ANK2: variants seen among roughly 807,000 people sequenced by gnomAD.
ANK2 encodes the protein ankyrin 2, also known as ankyrin-2.
In ANK2, 83 loss-of-function variants were observed where a neutral mutation model predicts 360.5. That is an observed-to-expected ratio of 0.23 (90% CI 0.19 to 0.28). The LOEUF (loss-of-function observed/expected upper bound fraction) is 0.28, where lower values mean the gene tolerates loss of function less well. ANK2 is among the 10% of genes least tolerant of loss of function. The pLI, the probability that ANK2 is intolerant of heterozygous loss-of-function variation, is 1.00. For missense variants in ANK2, 4,201 were observed against 4,795.7 expected (o/e 0.88, Z 3.66); for synonymous variants, 1,740 against 1,759.5 (o/e 0.99, Z 0.28).
rs147986280 is a variant in ANK2, at chr4:113,320,509, G to A, written c.2900+1889G>A. On this transcript the variant is annotated intron_variant, in intron 26 of 45. Coordinates refer to ENST00000357077, the MANE Select transcript of ANK2 (RefSeq NM_001148.6). ...TCTACTAAAAATACAAAAATTAGCC[G>A]GGCGTGGTGGTGGTGCACACCTGTA... Among the ~76,000 whole-genome samples the A allele has an allele frequency of 8.7e-4, 133 of 152,132 alleles. No individual in the cohort carries two copies. In the East Asian group the frequency reaches 0.012, roughly 14 times the overall value.
intron 22 of ANK2, among the ~76,000 whole-genome samples, chr4:113,299,682 G>A (rs2073917556): frequency 6.8e-6 from 1 of 147,676 alleles, no homozygotes; most frequent in Admixed American, 6.8e-5. Flanking sequence ...TCCAGCCTGG[G>A]CAACAAGAGT....
intron 2 of ANK2, among the ~76,000 whole-genome samples, chr4:112,956,644 G>A (rs112941410): frequency 0.012 from 1,892 of 152,280 alleles, 37 homozygotes; most frequent in African/African-American, 0.041. Context: ...AAAATGGCAC[G>A]CAGTTTAAAA....
At chr4:113,220,113 A>G (rs943576099) in intron 4 of ANK2, among the ~76,000 whole-genome samples, 1 of 152,178 alleles carries the variant, frequency 6.6e-6, no homozygotes. Flanking sequence ...TGGTCCTAGG[A>G]TCGGAACCAC....
chr4:112,818,057 C>G (rs1197113139), upstream of ANK2: 1 of 152,202 alleles, frequency 6.6e-6, no homozygotes, highest in Admixed American at 6.5e-5. Context: ...CAGAGCAGAT[C>G]ATGTGGTGCT....
chr4:113,094,519 T>TGC (rs771636164), intron 1 of ANK2, among the ~76,000 whole-genome samples: 5 of 147,120 alleles, frequency 3.4e-5, no homozygotes, highest in Non-Finnish European at 3.0e-5. Flanking sequence ...GTGCAGCACG[T>TGC]GTGTGTGTGT....
chr4:113,097,875 TGCACACACACACACACGC>T (rs1562040841), intron 1 of ANK2, among the ~76,000 whole-genome samples: 10 of 109,198 alleles, frequency 9.2e-5, no homozygotes, highest in Non-Finnish European at 1.7e-4. Context: ...TGTATATATA[TGCACACACACACACACGC>T]ACACACACAT....
At chr4:113,205,394 T>C (rs1387551062) in intron 4 of ANK2, among the ~76,000 whole-genome samples, 1 of 152,208 alleles carries the variant, frequency 6.6e-6, no homozygotes, top group Non-Finnish European at 1.5e-5. Context: ...ATTTGTTTTC[T>C]TTTCATCTTA....
intron 1 of ANK2, among the ~76,000 whole-genome samples, chr4:112,844,205 C>A (rs1273917646): frequency 6.6e-6 from 1 of 152,170 alleles, no homozygotes; most frequent in Non-Finnish European, 1.5e-5. Flanking sequence ...TTACATGATT[C>A]ACCTGACAGC....
At chr4:112,970,787 A>T (rs2039250698) in intron 2 of ANK2, among the ~76,000 whole-genome samples, 1 of 152,194 alleles carries the variant, frequency 6.6e-6, no homozygotes, top group Admixed American at 6.5e-5. Flanking sequence ...GTAGAATATG[A>T]TGCTTATAGC....
the ANK2 span, among the ~76,000 whole-genome samples, chr4:112,800,005 A>T: frequency 6.6e-6 from 1 of 152,184 alleles, no homozygotes; most frequent in African/African-American, 2.4e-5. Context: ...TGTAAAATTA[A>T]CTACCTATAG....
intron 4 of ANK2, among the ~76,000 whole-genome samples, chr4:113,201,433 G>C (rs2098828817): frequency 6.6e-6 from 1 of 152,140 alleles, no homozygotes; most frequent in Non-Finnish European, 1.5e-5. Flanking sequence ...TATGGCTTTA[G>C]CAAATGTGAG....
chr4:112,936,613 G>A (rs1217065272), intron 2 of ANK2, among the ~76,000 whole-genome samples: 5 of 152,026 alleles, frequency 3.3e-5, no homozygotes, highest in Admixed American at 2.6e-4. Context: ...CAAAGTGCTG[G>A]GATTACAGGC....
the ANK2 span, among the ~76,000 whole-genome samples, chr4:112,741,371 C>T: frequency 3.9e-5 from 6 of 152,102 alleles, no homozygotes; most frequent in African/African-American, 1.4e-4. Flanking sequence ...TTCAGTTGGC[C>T]CTCTTCAGAG....
intron 1 of ANK2, among the ~76,000 whole-genome samples, chr4:112,823,273 G>C (rs941830805): frequency 1.3e-5 from 2 of 152,172 alleles, no homozygotes; most frequent in Admixed American, 1.3e-4. Context: ...AAACTGTAGT[G>C]ATATATTGGG....
intron 1 of ANK2, among the ~76,000 whole-genome samples, chr4:113,158,403 A>G (rs907691808): frequency 6.6e-6 from 1 of 152,230 alleles, no homozygotes; most frequent in African/African-American, 2.4e-5. Context: ...CTTTGTCATG[A>G]CTACATTATT....
intron 4 of ANK2, among the ~76,000 whole-genome samples, chr4:113,211,042 T>G (rs563239889): frequency 6.6e-6 from 1 of 152,336 alleles, no homozygotes; most frequent in South Asian, 2.1e-4. Flanking sequence ...TAAGTATTGC[T>G]CAACAAAATC....
chr4:113,120,916 T>C (rs890667392), intron 1 of ANK2, among the ~76,000 whole-genome samples: 1 of 152,182 alleles, frequency 6.6e-6, no homozygotes, highest in Non-Finnish European at 1.5e-5. Context: ...TTCAAATAAA[T>C]CAATATGTTC....
intron 1 of ANK2, among the ~76,000 whole-genome samples, chr4:113,158,034 A>G (rs2097366733): frequency 6.6e-6 from 1 of 152,252 alleles, no homozygotes; most frequent in South Asian, 2.1e-4. Context: ...CTGACAGTCT[A>G]GTTGAATAGC....
intron 42 of ANK2, 22 bp from the exon 43 acceptor site, chr4:113,369,492 T>G: frequency 6.2e-7 from 1 of 1,612,350 alleles, no homozygotes; most frequent in Non-Finnish European, 8.5e-7. Flanking sequence ...CCCTGAAGTC[T>G]CATTTGGCTT....
Sources: allele counts gnomAD v4.1 joint callset (sites outside exome capture counted in the v4.1 genomes callset), GRCh38; gene constraint gnomAD v4.1.1; transcripts MANE v1.5; gene names NCBI Gene and HGNC (gene_info 2026-07-23, HGNC 2026-07-21).